The following ZBTB20 variants were observed in gnomAD, a reference collection of about 807,000 sequenced individuals.
The protein encoded by ZBTB20 is zinc finger and BTB domain-containing protein 20.
In ZBTB20, 9 loss-of-function variants were observed where a neutral mutation model predicts 56.9. The observed-to-expected ratio is 0.16, with a 90% CI of 0.10 to 0.28. ZBTB20 has a LOEUF of 0.28. Ranked by LOEUF, ZBTB20 falls within the 10% of genes least tolerant of loss-of-function variation. ZBTB20 has a pLI of 1.00. For synonymous variants in ZBTB20, 417 were observed against 420.7 expected, an observed-to-expected ratio of 0.99 and a Z score of 0.11; for missense variants, 655 against 1,003.0, an observed-to-expected ratio of 0.65 and a Z score of 4.69.
At chr3:114,725,230 A>T (rs1438589057) in intron 5 of ZBTB20, among the ~76,000 whole-genome samples, 1 of 152,252 alleles carries the variant, frequency 6.6e-6, no homozygotes, top group Non-Finnish European at 1.5e-5. Flanking sequence ...GAGTATATTT[A>T]TGCACACAGA....
At chr3:114,369,217 G>C (rs553013050) in intron 10 of ZBTB20, among the ~76,000 whole-genome samples, 82 of 152,268 alleles carry the variant, frequency 5.4e-4, no homozygotes, top group Middle Eastern at 3.4e-3. Context: ...GAAATTCTTT[G>C]TAGTATTCTA....
chr3:114,777,391 C>T (rs2069683911), intron 5 of ZBTB20, among the ~76,000 whole-genome samples: 1 of 152,092 alleles, frequency 6.6e-6, no homozygotes, highest in Non-Finnish European at 1.5e-5. Context: ...GTAATCCCAG[C>T]TACTCGGGAG....
chr3:114,380,815 G>T lies in ZBTB20; in HGVS notation c.-28C>A, dbSNP rs150868987. 6.7e-7 allele frequency: 1 copy of T among 1,501,744 alleles called. No homozygotes were observed. The highest frequency in any genetic ancestry group is 8.8e-7 in the Non-Finnish European group (1 of 1,133,840). 93.0% of individuals were successfully genotyped at this position (1,501,744 alleles called of 1,614,324 possible). ...GTCAGGAAGCTTAGAGACAGGACTCGTGGAGTAATGGGAGGAGCACTGGAC... is the reference window on the plus strand; with the variant it reads ...GTCAGGAAGCTTAGAGACAGGACTCTTGGAGTAATGGGAGGAGCACTGGAC... On this transcript the variant is annotated 5_prime_UTR_variant, in exon 9 of 12. Coordinates refer to ENST00000675478, the MANE Select transcript of ZBTB20 (RefSeq NM_001348800.3).
chr3:114,979,740 A>G (rs2078253920), intron 2 of ZBTB20, among the ~76,000 whole-genome samples: 1 of 152,080 alleles, frequency 6.6e-6, no homozygotes, highest in African/African-American at 2.4e-5. Flanking sequence ...ACAAGGATAC[A>G]TTCCTTCAAA....
intron 7 of ZBTB20, among the ~76,000 whole-genome samples, chr3:114,486,742 T>G (rs940052058): frequency 1.3e-5 from 2 of 152,158 alleles, no homozygotes; most frequent in African/African-American, 4.8e-5. Flanking sequence ...TAATTTTAAA[T>G]TAGAGGTGAG....
At chr3:114,383,040 G>A (rs997310931) in intron 8 of ZBTB20, among the ~76,000 whole-genome samples, 17 of 152,168 alleles carry the variant, frequency 1.1e-4, no homozygotes, top group African/African-American at 3.9e-4. Flanking sequence ...AAATTAAAGT[G>A]TATTTTAAGA....
chr3:114,541,015 A>G (rs1339448091), intron 6 of ZBTB20, among the ~76,000 whole-genome samples: 7 of 152,062 alleles, frequency 4.6e-5, no homozygotes, highest in Admixed American at 4.6e-4. Flanking sequence ...TAAACTCTTG[A>G]ATATAGGATC....
rs2058871744 is a variant in ZBTB20 at position 114,630,268 on chromosome 3, A to G, written c.-295+63260T>C. 2.0e-5 allele frequency among the ~76,000 whole-genome samples: 3 copies of G among 152,214 alleles called. No homozygotes were observed. In the South Asian group the frequency reaches 6.2e-4, roughly 32 times the overall value. ...AGATCTAGACATTGTAGGACTCAAG[A>G]CAAAAATCTCCTGGACCCCTGGACC... On this transcript the variant is annotated intron_variant, in intron 6 of 11. Coordinates refer to ENST00000675478, the MANE Select transcript of ZBTB20 (RefSeq NM_001348800.3).
intron 2 of ZBTB20, among the ~76,000 whole-genome samples, chr3:115,053,493 T>C (rs1291636573): frequency 6.6e-6 from 1 of 152,142 alleles, no homozygotes; most frequent in Non-Finnish European, 1.5e-5. Flanking sequence ...GGGTGGTGAG[T>C]TCACTAATCA....
intron 1 of ZBTB20, among the ~76,000 whole-genome samples, chr3:115,090,119 C>T (rs1240726012): frequency 6.6e-6 from 1 of 151,680 alleles, no homozygotes; most frequent in South Asian, 2.1e-4. Flanking sequence ...GGGAGTAGAA[C>T]CTAGGAATCT....
In ZBTB20 at chr3:114,339,160, G is replaced by A. The variant is rs1258953290; in HGVS notation, c.2071C>T (p.Pro691Ser). Residue 691 changes from proline (P) to serine (S), a missense_variant, in exon 12 of 12, where the codon CCC (proline) becomes TCC (serine). Transcript: ENST00000675478. This position sits in a 1 kb window ranked among gnomAD's most constrained non-coding sequence, Gnocchi z 4.2. ...VALHSASNGTPPAGTPPGARA... is the reference protein window; with the variant it reads ...VALHSASNGTSPAGTPPGARA... Reference sequence around the variant, plus strand: ...GCACCTGGGGGTGTGCCTGCAGGGGGGGTCCCATTGCTGGCACTGTGCAGG... The same window carrying A: ...GCACCTGGGGGTGTGCCTGCAGGGGAGGTCCCATTGCTGGCACTGTGCAGG... 2 of 1,613,988 alleles carry A rather than the reference G, an allele frequency of 1.2e-6. No individual in the cohort carries two copies. The highest frequency in any genetic ancestry group is 1.7e-6 in the Non-Finnish European group (2 of 1,179,940).
At chr3:114,418,161 A>T (rs1232998338) in intron 7 of ZBTB20, among the ~76,000 whole-genome samples, 1 of 152,098 alleles carries the variant, frequency 6.6e-6, no homozygotes, top group African/African-American at 2.4e-5. Context: ...TTTGCTTGGC[A>T]TGAACCCACT....
chr3:114,953,675 G>C (rs1057186956), intron 3 of ZBTB20, among the ~76,000 whole-genome samples: 18 of 151,914 alleles, frequency 1.2e-4, no homozygotes, highest in Non-Finnish European at 2.5e-4. Context: ...GTCTAAATCT[G>C]TATGCCCTAA....
chr3:114,474,376 T>C (rs2040500054), intron 7 of ZBTB20, among the ~76,000 whole-genome samples: 1 of 152,240 alleles, frequency 6.6e-6, no homozygotes, highest in African/African-American at 2.4e-5. Context: ...TGCACACCAC[T>C]TATGTGGCAT....
chr3:114,860,222 G>A (rs182380941), intron 4 of ZBTB20, among the ~76,000 whole-genome samples: 3,638 of 151,944 alleles, frequency 0.024, 51 homozygotes, highest in South Asian at 0.051. Context: ...CAGGGGAATC[G>A]CTTGAAACCG....
intron 3 of ZBTB20, among the ~76,000 whole-genome samples, chr3:114,950,279 T>C (rs1327739269): frequency 6.6e-6 from 1 of 152,212 alleles, no homozygotes; most frequent in African/African-American, 2.4e-5. Context: ...TTTATACCTA[T>C]TTAAGATTTA....
intron 2 of ZBTB20, among the ~76,000 whole-genome samples, chr3:115,016,380 T>G (rs888362662): frequency 2.0e-5 from 3 of 152,016 alleles, no homozygotes; most frequent in African/African-American, 7.2e-5. Flanking sequence ...TGTCATGAAA[T>G]CCTTCCCCAT....
intron 6 of ZBTB20, among the ~76,000 whole-genome samples, chr3:114,679,913 A>G (rs762068796): frequency 6.6e-6 from 1 of 152,218 alleles, no homozygotes; most frequent in African/African-American, 2.4e-5. Flanking sequence ...TTGACTGGAT[A>G]AAGAAAATGT....
At chr3:114,494,851 T>C (rs1389442522) in intron 7 of ZBTB20, among the ~76,000 whole-genome samples, 1 of 152,242 alleles carries the variant, frequency 6.6e-6, no homozygotes, top group Non-Finnish European at 1.5e-5. Context: ...TTTTGTCTTA[T>C]TTTTCAATAG....
Sources: gnomAD v4.1 joint callset for allele counts (sites outside exome capture counted in the v4.1 genomes callset) on GRCh38, gnomAD v4.1.1 for gene constraint, Gnocchi (gnomAD v3.1) non-coding constraint, MANE v1.5 for transcripts, NCBI Gene and HGNC (gene_info 2026-07-23, HGNC 2026-07-21) for gene names.